Variants in DNAH8 observed in about 807,000 individuals in gnomAD.
DNAH8 encodes the protein dynein axonemal heavy chain 8.
In DNAH8, 382 loss-of-function variants were observed where a neutral mutation model predicts 562.1. The ratio of observed to expected loss-of-function variants is 0.68; its 90% CI spans 0.63 to 0.74. The LOEUF (loss-of-function observed/expected upper bound fraction) is 0.74, where lower values mean the gene tolerates loss of function less well. Among genes scored for constraint, DNAH8 ranks in the 30% least tolerant of loss-of-function variants. The probability of loss-of-function intolerance (pLI) is 0.00; values close to 1 mark genes in which losing one functional copy is unlikely to be tolerated. For synonymous variants in DNAH8, 1,881 were observed against 1,919.4 expected (o/e 0.98, Z 0.52); for missense variants, 5,203 against 5,620.4 (o/e 0.93, Z 2.37).
intron 58 of DNAH8, among the ~76,000 whole-genome samples, chr6:38,892,113 C>A (rs1257713900): frequency 1.3e-5 from 2 of 152,148 alleles, no homozygotes; most frequent in African/African-American, 4.8e-5. Flanking sequence ...CTGGCTACCT[C>A]ATTAAAGTCC....
At chr6:38,766,578 C>T (rs1283910858) in intron 11 of DNAH8, among the ~76,000 whole-genome samples, 2 of 152,156 alleles carry the variant, frequency 1.3e-5, no homozygotes, top group Non-Finnish European at 2.9e-5. Flanking sequence ...CCTCCGCCTC[C>T]TGGGCTCAAG....
chr6:39,004,330 C>A (rs1765666001), intron 88 of DNAH8, among the ~76,000 whole-genome samples: 2 of 152,094 alleles, frequency 1.3e-5, no homozygotes, highest in South Asian at 4.1e-4. Context: ...TTTTATAATC[C>A]CACAATTAGA....
rs544218941 is a variant in DNAH8, at chr6:38,864,189, A to AT, written c.6498+137dup. ...ATAAGCTGTTCTCTCTTACCATATG[A>AT]TTTTTTTTATGTCATTATAACCCAG... is the stretch of plus-strand genomic sequence containing the variant. On this transcript the variant is annotated intron_variant, in intron 45 of 92. Transcript: ENST00000327475. The AT allele has an allele frequency of 2.4e-4, 202 of 832,416 alleles. 1 individual carries two copies. Among genetic ancestry groups the AT allele is most frequent in the Admixed American group, 5.7e-4 (17 of 29,780 alleles). The allele number at this position is 832,416 out of a possible 1,614,324, so 51.6% of individuals were successfully genotyped here.
chr6:38,993,745 T>C (rs1006516111), intron 88 of DNAH8, among the ~76,000 whole-genome samples: 2 of 152,174 alleles, frequency 1.3e-5, no homozygotes, highest in Non-Finnish European at 2.9e-5. Flanking sequence ...ATCAGGTCAT[T>C]ATTATCTTCC....
At chr6:38,984,886 A>G (rs566398060) in intron 87 of DNAH8, among the ~76,000 whole-genome samples, 1 of 152,196 alleles carries the variant, frequency 6.6e-6, no homozygotes, top group East Asian at 1.9e-4. Flanking sequence ...CTCCTTTCCC[A>G]TGTAGATGAA....
Position 38,815,590 on chromosome 6 carries a change from C to G in DNAH8, c.3456C>G (p.Val1152=). Residue 1152 remains valine (V), a synonymous_variant, in exon 26 of 93, where the codon GTC becomes GTG. Transcript: ENST00000327475. ...GQQQIRPIKS[V]IPSPTTTDVT... ...AGCAAATCCGTCCCATCAAGTCTGT[C>G]ATTCCCAGCCCCACCACTACTGACG... The G allele has an allele frequency of 6.2e-7, 1 of 1,614,002 alleles. No individual in the cohort carries two copies. Among genetic ancestry groups the G allele is most frequent in the Non-Finnish European group, 8.5e-7 (1 of 1,179,928 alleles).
intron 4 of DNAH8, among the ~76,000 whole-genome samples, chr6:38,732,670 A>G (rs1199327105): frequency 6.6e-6 from 1 of 152,192 alleles, no homozygotes; most frequent in Non-Finnish European, 1.5e-5. Context: ...GTAGACTTCC[A>G]TCTCTCAAAT....
chr6:38,974,451 A>T lies in DNAH8; in HGVS notation c.12756A>T (p.Gln4252His). 6.2e-7 allele frequency: 1 copy of T among 1,613,876 alleles called. No individual in the cohort carries two copies. Reference sequence around the variant, plus strand: ...AAAGAACATTTGCTGGAATTAATCAAGACCTTCTGGACATCAGTAATTTAC... The same window carrying T: ...AAAGAACATTTGCTGGAATTAATCATGACCTTCTGGACATCAGTAATTTAC... ...GLKRTFAGINQDLLDISNLPM... is the reference protein window; with the variant it reads ...GLKRTFAGINHDLLDISNLPM... Residue 4252 changes from glutamine (Q) to histidine (H), a missense_variant, in exon 85 of 93, where the codon CAA becomes CAT. Around this residue, in one of 6 missense-constraint regions of DNAH8, gnomAD observed 1,399 missense variants for 1,518.4 expected, o/e 0.92. Transcript: ENST00000327475.
chr6:38,838,850 G>T (rs1231491432), intron 33 of DNAH8, among the ~76,000 whole-genome samples: 2 of 152,164 alleles, frequency 1.3e-5, no homozygotes, highest in Non-Finnish European at 2.9e-5. Context: ...TATTCTTAAA[G>T]AATTTGAAAT....
At chr6:38,717,239 C>A (rs1762407995) in intron 1 of DNAH8, among the ~76,000 whole-genome samples, 1 of 152,186 alleles carries the variant, frequency 6.6e-6, no homozygotes, top group South Asian at 2.1e-4. Flanking sequence ...AGAAAGTGAA[C>A]AAGTGTTGAT....
chr6:38,890,781 T>C lies in DNAH8; in HGVS notation c.8583+20T>C. 1 of 1,567,312 alleles carries C rather than the reference T, an allele frequency of 6.4e-7. No homozygotes were observed. The highest frequency in any genetic ancestry group is 8.8e-7 in the Non-Finnish European group (1 of 1,137,640). On this transcript the variant is annotated intron_variant, in intron 58 of 92. Transcript: ENST00000327475. ...ACTAAGGTACAGAATGGTTTGTCAATAATTTTTAAAAAGGCAACTATTATT... is the reference window on the plus strand; with the variant it reads ...ACTAAGGTACAGAATGGTTTGTCAACAATTTTTAAAAAGGCAACTATTATT...
At chr6:38,911,370 C>A in intron 65 of DNAH8, 98 bp from the exon 66 acceptor site, 3 of 883,272 alleles carry the variant, frequency 3.4e-6, no homozygotes, top group East Asian at 2.5e-5. Context: ...GCTAGTGAAT[C>A]ACTCTACATG....
Position 38,892,792 on chromosome 6 carries a change from G to A in DNAH8, c.8584-1909G>A, listed in dbSNP as rs143568096. 5.9e-5 allele frequency among the ~76,000 whole-genome samples: 9 copies of A among 152,224 alleles called. No individual in the cohort carries two copies. The East Asian group carries it at 1.4e-3, about 23-fold the overall frequency. ...TCCACTTACAATGTCAGCAGACTCC[G>A]CTTACTTCCCTTGCCTGCCACCAAC... On this transcript the variant is annotated intron_variant, in intron 58 of 92. Transcript: ENST00000327475.
chr6:38,758,071 A>G (rs950839087), intron 10 of DNAH8, among the ~76,000 whole-genome samples: 3 of 152,196 alleles, frequency 2.0e-5, no homozygotes, highest in Non-Finnish European at 4.4e-5. Context: ...GAAGAAAGTC[A>G]TAGGTAGCTT....
chr6:39,008,864 A>G lies in DNAH8; in HGVS notation c.13265A>G (p.Gln4422Arg). The change falls in exon 89 of 93, where the codon CAA (glutamine) becomes CGA (arginine). Residue 4422 changes from glutamine (Q) to arginine (R), a missense_variant. Physicochemically the swap from Gln to Arg is conservative, Grantham distance 43. Transcript: ENST00000327475. ...GTTCTTGAAACAATTACCAACATTCAACCCAAAGAGAGTGGAGGTGGTGTG... is the reference window on the plus strand; with the variant it reads ...GTTCTTGAAACAATTACCAACATTCGACCCAAAGAGAGTGGAGGTGGTGTG... ...SAVLETITNI[Q>R]PKESGGGVGE... 6.2e-7 allele frequency: 1 copy of G among 1,607,658 alleles called. No homozygotes were observed.
At chr6:38,923,609 AAAAAAT>A (rs1311114782) in intron 72 of DNAH8, 1 of 173,236 alleles carries the variant, frequency 5.8e-6, no homozygotes. Context: ...GAAAATGGCA[AAAAAAT>A]AAAAATAAAA....
At position 38,915,229 on chromosome 6, in the gene DNAH8, A is replaced by G. The variant is rs1340360191; in HGVS notation, c.9992A>G (p.Gln3331Arg). ...EVLAEVTVSAQASAKIKNEVQ... is the reference protein window; with the variant it reads ...EVLAEVTVSARASAKIKNEVQ... ...TTAGCAGAAGTCACAGTAAGCGCTCAGGCTTCAGCCAAAATTAAAAATGAA... is the reference window on the plus strand; with the variant it reads ...TTAGCAGAAGTCACAGTAAGCGCTCGGGCTTCAGCCAAAATTAAAAATGAA... Residue 3331 changes from glutamine to arginine, a missense_variant, in exon 68 of 93, where the codon CAG becomes CGG. By Grantham distance (43) the Gln-to-Arg change is conservative. Coordinates refer to ENST00000327475, the MANE Select transcript of DNAH8 (RefSeq NM_001206927.2). 6 of 1,606,786 alleles carry G rather than the reference A, an allele frequency of 3.7e-6. No homozygotes were observed. Among genetic ancestry groups the G allele is most frequent in the Middle Eastern group, 1.7e-4 (1 of 6,040 alleles).
intron 70 of DNAH8, among the ~76,000 whole-genome samples, chr6:38,919,004 CAA>C (rs1270143882): frequency 2.0e-5 from 3 of 151,264 alleles, no homozygotes; most frequent in African/African-American, 7.3e-5. Context: ...AAAGTTTTAA[CAA>C]AGAGAAATGA....
chr6:38,976,721 T>TA (rs1229560850), intron 85 of DNAH8, among the ~76,000 whole-genome samples: 2 of 152,238 alleles, frequency 1.3e-5, no homozygotes, highest in Non-Finnish European at 2.9e-5. Context: ...GTTTGTGACT[T>TA]ACGTTTCTTT....
Sources: gnomAD v4.1 joint callset for allele counts (sites outside exome capture counted in the v4.1 genomes callset) on GRCh38, gnomAD v4.1.1 for gene constraint, gnomAD v4.1.1 regional missense constraint, MANE v1.5 for transcripts, NCBI Gene and HGNC (gene_info 2026-07-23, HGNC 2026-07-21) for gene names.